ADGRA3: variants seen among roughly 807,000 people sequenced by gnomAD.
ADGRA3 encodes the protein G-protein coupled receptor 125.
A neutral mutation model predicts 119.8 loss-of-function variants in ADGRA3; 56 were observed. The observed-to-expected ratio is 0.47, with a 90% confidence interval of 0.38 to 0.58. ADGRA3 has a LOEUF of 0.58. Among genes scored for constraint, ADGRA3 ranks in the 20% least tolerant of loss-of-function variants. The pLI, the probability that ADGRA3 is intolerant of heterozygous loss-of-function variation, is 0.00. For missense variants in ADGRA3, 1,516 were observed against 1,649.0 expected, an observed-to-expected ratio of 0.92 and a Z score of 1.40; for synonymous variants, 607 against 623.8, an observed-to-expected ratio of 0.97 and a Z score of 0.40.
intron 1 of ADGRA3, among the ~76,000 whole-genome samples, chr4:22,505,030 G>C (rs1251950496): frequency 6.6e-6 from 1 of 152,062 alleles, no homozygotes. Context: ...TCTGATGCTG[G>C]GACTTGGATG....
At chr4:22,507,189 G>A (rs547239383) in intron 1 of ADGRA3, among the ~76,000 whole-genome samples, 4 of 151,966 alleles carry the variant, frequency 2.6e-5, no homozygotes, top group Admixed American at 1.3e-4. Context: ...GCAGTGAGCC[G>A]AGATCGCGCC....
Position 22,473,697 on chromosome 4 carries a change from A to C in ADGRA3, c.329+75T>G, listed in dbSNP as rs571034264. The C allele has an allele frequency of 2.5e-5, 21 of 842,918 alleles. No homozygotes were observed. The South Asian group carries it at 4.2e-4, about 17-fold the overall frequency. 52.2% of individuals were successfully genotyped at this position (842,918 alleles called of 1,614,324 possible). A position where few individuals can be genotyped will look rare whatever the true frequency, so the allele number is the denominator to read the frequency against. ...TTTGAATAGCTGGGAATTTAGTCAC[A>C]GATTTACAATGAAGATTTACAATGA... is the stretch of plus-strand genomic sequence containing the variant. On this transcript the variant is annotated intron_variant, in intron 2 of 18. Coordinates refer to ENST00000334304, the MANE Select transcript of ADGRA3 (RefSeq NM_145290.4).
At chr4:22,465,846 C>G (rs984237525) in intron 2 of ADGRA3, among the ~76,000 whole-genome samples, 3 of 152,130 alleles carry the variant, frequency 2.0e-5, no homozygotes, top group African/African-American at 7.2e-5. Flanking sequence ...GAAAAGTTGG[C>G]CATGATCAAG....
chr4:22,477,485 TA>T (rs1718089877), intron 1 of ADGRA3: 2 of 152,294 alleles, frequency 1.3e-5, no homozygotes, highest in Middle Eastern at 3.4e-3. Flanking sequence ...GAATTTAAAA[TA>T]AACCAAAGAA....
At chr4:22,468,942 C>T (rs907903528) in intron 2 of ADGRA3, among the ~76,000 whole-genome samples, 1 of 151,950 alleles carries the variant, frequency 6.6e-6, no homozygotes, top group Admixed American at 6.6e-5. Flanking sequence ...ATTCCATCTT[C>T]TAATAATAAT....
intron 17 of ADGRA3, among the ~76,000 whole-genome samples, chr4:22,389,555 T>C (rs886490942): frequency 3.3e-5 from 5 of 151,926 alleles, no homozygotes; most frequent in African/African-American, 1.2e-4. Context: ...GCCGGTGAAC[T>C]GAAAAGTGCC....
intron 8 of ADGRA3, among the ~76,000 whole-genome samples, chr4:22,437,829 T>C (rs1446556201): frequency 3.9e-5 from 6 of 152,122 alleles, no homozygotes; most frequent in Non-Finnish European, 1.5e-5. Flanking sequence ...CTAATTCTGA[T>C]GCCTACTGAA....
At chr4:22,446,288 C>T (rs1436121752) in intron 5 of ADGRA3, among the ~76,000 whole-genome samples, 1 of 152,206 alleles carries the variant, frequency 6.6e-6, no homozygotes, top group Non-Finnish European at 1.5e-5. Flanking sequence ...GTTCCTAACA[C>T]TACCAGGTAA....
intron 14 of ADGRA3, among the ~76,000 whole-genome samples, chr4:22,411,219 G>T (rs1375870904): frequency 6.6e-6 from 1 of 152,190 alleles, no homozygotes; most frequent in African/African-American, 2.4e-5. Context: ...TTTCTCATCA[G>T]TACATCACAG....
rs932931253 is a variant in ADGRA3 at position 22,392,713 on chromosome 4, A to C, written c.2482-23T>G. 3 of 1,588,118 alleles carry C rather than the reference A, an allele frequency of 1.9e-6. No homozygotes were observed. The African/African-American group carries it at 4.1e-5, about 22-fold the overall frequency. On this transcript the variant is annotated intron_variant, in intron 16 of 18. Coordinates refer to ENST00000334304, the MANE Select transcript of ADGRA3 (RefSeq NM_145290.4). Reference sequence around the variant, plus strand: ...AACCTACAAGGAAGATCAAAGAATAAATAAAAGAAAAAAAATGTTCCTACT... The same window carrying C: ...AACCTACAAGGAAGATCAAAGAATACATAAAAGAAAAAAAATGTTCCTACT...
chr4:22,433,783 T>C (rs1424899762), intron 10 of ADGRA3, among the ~76,000 whole-genome samples: 3 of 152,182 alleles, frequency 2.0e-5, no homozygotes, highest in Non-Finnish European at 4.4e-5. Context: ...AACCCTGTCA[T>C]CTTAAGCAAC....
intron 10 of ADGRA3, 112 bp downstream of exon 10, chr4:22,435,199 C>A: frequency 1.1e-6 from 1 of 919,710 alleles, no homozygotes; most frequent in Non-Finnish European, 1.7e-6. Context: ...TAAAAGCATG[C>A]TTTTAGCTCA....
At chr4:22,400,480 C>G (rs1266199919) in intron 16 of ADGRA3, among the ~76,000 whole-genome samples, 1 of 152,002 alleles carries the variant, frequency 6.6e-6, no homozygotes, top group Non-Finnish European at 1.5e-5. Context: ...TATGAGGTAT[C>G]TGAAGTAGTC....
rs142784777 is a variant in ADGRA3, at chr4:22,419,048, C to G, written c.1809+1838G>C. ...GGTTTGTGCAATACAGGATGGGAGT[C>G]CGAAGCAGGCTGAGGAGGGAGTATA... On this transcript the variant is annotated intron_variant, in intron 12 of 18. Coordinates refer to ENST00000334304, the MANE Select transcript of ADGRA3 (RefSeq NM_145290.4). Among the ~76,000 whole-genome samples, 1,205 of 152,062 alleles carry G rather than the reference C, an allele frequency of 7.9e-3. 22 individuals carry two copies. Among genetic ancestry groups the G allele is most frequent in the African/African-American group, 0.028 (1,150 of 41,474 alleles).
rs1055148045 is a variant in ADGRA3, at chr4:22,388,860, G to T, written c.2811C>A (p.Ser937Arg). Residue 937 changes from serine (S) to arginine (R), a missense_variant, in exon 19 of 19, where the codon AGC becomes AGA. This residue lies in a region of ADGRA3 where 1,088 missense variants were observed against 1,107.1 expected (regional missense o/e 0.98). Transcript: ENST00000334304. ...GGTGTCTTTTCAACTGAATAAATATGCTCAGAAAGTACATGCAGTTTACAA... is the reference window on the plus strand; with the variant it reads ...GGTGTCTTTTCAACTGAATAAATATTCTCAGAAAGTACATGCAGTTTACAA... ...ITFVNCMYFLSIFIQLKRHPE... is the reference protein window; with the variant it reads ...ITFVNCMYFLRIFIQLKRHPE... 1.9e-6 allele frequency: 3 copies of T among 1,613,996 alleles called. No individual in the cohort carries two copies. The Admixed American group carries it at 5.0e-5, about 27-fold the overall frequency.
In ADGRA3 at chr4:22,390,340, A is replaced by AC. The variant is rs1275974838; in HGVS notation, c.2628-1158_2628-1157insG. On this transcript the variant is annotated intron_variant, in intron 17 of 18. Transcript: ENST00000334304. ...ACTGCTTATATATATATATATATAA[A>AC]ATACATATTATATATATATAATACG... 3.3e-4 allele frequency among the ~76,000 whole-genome samples: 30 copies of AC among 90,836 alleles called. 1 individual carries two copies. Among genetic ancestry groups the AC allele is most frequent in the African/African-American group, 1.5e-3 (27 of 17,480 alleles). The allele number at this position is 90,836 out of a possible 152,430, so 59.6% of individuals were successfully genotyped here.
chr4:22,425,343 C>T (rs927276648), intron 10 of ADGRA3, among the ~76,000 whole-genome samples: 1 of 152,120 alleles, frequency 6.6e-6, no homozygotes, highest in Admixed American at 6.5e-5. Context: ...TTACTGGATT[C>T]TTTTTATTCG....
rs1577356422 is a variant in ADGRA3 at position 22,450,557 on chromosome 4, G to A, written c.474-3046C>T. On this transcript the variant is annotated intron_variant, in intron 4 of 18. Coordinates refer to ENST00000334304, the MANE Select transcript of ADGRA3 (RefSeq NM_145290.4). ...TGGGATTACGGGCGTGAGCCACTGT[G>A]CCCAGCCATTGTTGTTTCTTACTCT... is the stretch of plus-strand genomic sequence containing the variant. Among the ~76,000 whole-genome samples, 5 of 152,078 alleles carry A rather than the reference G, an allele frequency of 3.3e-5. No homozygotes were observed. In the South Asian group the frequency reaches 1.0e-3, roughly 32 times the overall value.
At chr4:22,462,925 C>T (rs1560329980) in intron 2 of ADGRA3, among the ~76,000 whole-genome samples, 1 of 152,266 alleles carries the variant, frequency 6.6e-6, no homozygotes, top group African/African-American at 2.4e-5. Flanking sequence ...AAGTGTTTGG[C>T]TAGACCTCTG....
Sources: gnomAD v4.1 joint callset for allele counts (sites outside exome capture counted in the v4.1 genomes callset) on GRCh38, gnomAD v4.1.1 for gene constraint, gnomAD v4.1.1 regional missense constraint, MANE v1.5 for transcripts, NCBI Gene and HGNC (gene_info 2026-07-23, HGNC 2026-07-21) for gene names.